Variants in GPC5 observed in about 807,000 individuals in gnomAD.
The protein encoded by GPC5 is glypican 5, also known as glypican-5.
A neutral mutation model predicts 53.9 loss-of-function variants in GPC5; 47 were observed. That is an observed-to-expected ratio of 0.87 (90% CI 0.69 to 1.11). The LOEUF (loss-of-function observed/expected upper bound fraction) is 1.11. Ranked by LOEUF, GPC5 falls within the 50% of genes most tolerant of loss-of-function variation. The probability of loss-of-function intolerance (pLI) is 0.00; values close to 1 mark genes in which losing one functional copy is unlikely to be tolerated. For missense variants in GPC5, 748 were observed against 713.1 expected, an observed-to-expected ratio of 1.05 and a Z score of -0.56; for synonymous variants, 286 against 263.3, an observed-to-expected ratio of 1.09 and a Z score of -0.84.
intron 5 of GPC5, among the ~76,000 whole-genome samples, chr13:91,823,368 T>C (rs943626050): frequency 5.9e-5 from 9 of 152,140 alleles, no homozygotes; most frequent in Non-Finnish European, 1.5e-5. Context: ...TAACAAAATG[T>C]CTTTTTTTGT....
At chr13:91,887,276 C>T (rs1012135138) in intron 5 of GPC5, among the ~76,000 whole-genome samples, 2 of 152,138 alleles carry the variant, frequency 1.3e-5, no homozygotes, top group Non-Finnish European at 2.9e-5. Context: ...ATGGGTGGAG[C>T]GGCTGCAATG....
intron 1 of GPC5, among the ~76,000 whole-genome samples, chr13:91,405,925 C>T (rs1877290112): frequency 6.6e-6 from 1 of 152,110 alleles, no homozygotes; most frequent in Non-Finnish European, 1.5e-5. Context: ...GTGCATGCCA[C>T]CATGCCCAGC....
intron 1 of GPC5, among the ~76,000 whole-genome samples, chr13:91,408,358 G>C (rs1014168062): frequency 1.3e-5 from 2 of 152,042 alleles, no homozygotes; most frequent in African/African-American, 4.8e-5. Flanking sequence ...ATGTCCTCCA[G>C]GTTCATCCAT....
chr13:92,008,873 C>T (rs1275633205), intron 6 of GPC5, among the ~76,000 whole-genome samples: 1 of 151,774 alleles, frequency 6.6e-6, no homozygotes, highest in Non-Finnish European at 1.5e-5. Context: ...CTTTTTTTCT[C>T]TATGTGCTTC....
intron 2 of GPC5, among the ~76,000 whole-genome samples, chr13:91,666,802 C>T (rs1449406225): frequency 1.3e-5 from 2 of 152,070 alleles, no homozygotes; most frequent in African/African-American, 4.8e-5. Context: ...TTTATTTTAA[C>T]TTATCTCTTT....
intron 6 of GPC5, among the ~76,000 whole-genome samples, chr13:91,945,294 A>C (rs2039964403): frequency 6.6e-6 from 1 of 152,094 alleles, no homozygotes; most frequent in African/African-American, 2.4e-5. Context: ...TTTGTTCTAC[A>C]ATGATTTTGT....
intron 7 of GPC5, among the ~76,000 whole-genome samples, chr13:92,519,017 C>G (rs1299033938): frequency 1.3e-5 from 2 of 152,014 alleles, no homozygotes; most frequent in Non-Finnish European, 2.9e-5. Flanking sequence ...CAACAAAGAT[C>G]AAAAGAGATA....
At chr13:92,473,255 A>G (rs1477615644) in intron 7 of GPC5, among the ~76,000 whole-genome samples, 1 of 152,108 alleles carries the variant, frequency 6.6e-6, no homozygotes, top group African/African-American at 2.4e-5. Flanking sequence ...GATACAACTA[A>G]CCAATAGCCA....
At chr13:92,250,537 C>A (rs1172965740) in intron 7 of GPC5, among the ~76,000 whole-genome samples, 1 of 152,036 alleles carries the variant, frequency 6.6e-6, no homozygotes, top group Non-Finnish European at 1.5e-5. Flanking sequence ...TTTAAAAACA[C>A]TCGGGCAAAG....
intron 7 of GPC5, among the ~76,000 whole-genome samples, chr13:92,505,860 A>C (rs2138942467): frequency 6.6e-6 from 1 of 152,268 alleles, no homozygotes; most frequent in East Asian, 1.9e-4. Flanking sequence ...GCCAGTATCA[A>C]AAAGTTACAG....
intron 7 of GPC5, among the ~76,000 whole-genome samples, chr13:92,628,881 G>T (rs1158035171): frequency 6.6e-6 from 1 of 152,168 alleles, no homozygotes; most frequent in African/African-American, 2.4e-5. Context: ...GGGCTTCAAA[G>T]AAATAAGAAG....
intron 2 of GPC5, among the ~76,000 whole-genome samples, chr13:91,679,198 A>T (rs2035451868): frequency 6.9e-6 from 1 of 144,842 alleles, no homozygotes; most frequent in African/African-American, 2.6e-5. Context: ...TATTTATTAT[A>T]CTTTAAGTTC....
At chr13:92,428,393 G>T (rs868104459) in intron 7 of GPC5, among the ~76,000 whole-genome samples, 1 of 152,056 alleles carries the variant, frequency 6.6e-6, no homozygotes, top group Non-Finnish European at 1.5e-5. Context: ...CAGGACCTTG[G>T]CCTTTTTATA....
At chr13:92,646,360 A>T (rs9516108) in intron 7 of GPC5, among the ~76,000 whole-genome samples, 84,717 of 151,986 alleles carry the variant, frequency 0.56, 27,474 homozygotes, top group Non-Finnish European at 0.75. Context: ...AGACTCTATA[A>T]TCTGTTCCAT....
chr13:92,757,780 A>G (rs896523196), intron 7 of GPC5, among the ~76,000 whole-genome samples: 1 of 152,212 alleles, frequency 6.6e-6, no homozygotes, highest in African/African-American at 2.4e-5. Context: ...AACCACAATG[A>G]GATACCATCT....
chr13:92,813,660 T>C lies in GPC5; in HGVS notation c.1562-52622T>C, dbSNP rs554108682. ...CTTTTAGTCAAAACTTTTTTCAATG[T>C]TATATAAACAGTAGTATTCTTTACC... On this transcript the variant is annotated intron_variant, in intron 7 of 7. Coordinates refer to ENST00000377067, the MANE Select transcript of GPC5 (RefSeq NM_004466.6). Among the ~76,000 whole-genome samples the C allele has an allele frequency of 2.6e-5, 4 of 152,118 alleles. 1 individual carries two copies. Among genetic ancestry groups the C allele is most frequent in the Admixed American group, 2.6e-4 (4 of 15,274 alleles).
At chr13:92,818,782 G>T (rs1258474726) in intron 7 of GPC5, among the ~76,000 whole-genome samples, 1 of 152,048 alleles carries the variant, frequency 6.6e-6, no homozygotes, top group African/African-American at 2.4e-5. Flanking sequence ...CCGTTCAAGT[G>T]TCTGACTAGA....
At chr13:92,296,701 G>A (rs569499844) in intron 7 of GPC5, among the ~76,000 whole-genome samples, 3 of 152,304 alleles carry the variant, frequency 2.0e-5, no homozygotes, top group Non-Finnish European at 2.9e-5. Context: ...TGCGTGCGGC[G>A]CTTGCGGGCC....
chr13:91,724,040 G>T (rs2036527602), intron 3 of GPC5, among the ~76,000 whole-genome samples: 1 of 152,146 alleles, frequency 6.6e-6, no homozygotes, highest in Non-Finnish European at 1.5e-5. Flanking sequence ...AAATCAGCCA[G>T]CAATTTTAGA....
Sources: gnomAD v4.1 joint callset for allele counts (sites outside exome capture counted in the v4.1 genomes callset) on GRCh38, gnomAD v4.1.1 for gene constraint, MANE v1.5 for transcripts, NCBI Gene and HGNC (gene_info 2026-07-23, HGNC 2026-07-21) for gene names.